Variants in MEIS1 observed in about 807,000 individuals in gnomAD.
The protein encoded by MEIS1 is homeobox protein Meis1.
Under a neutral mutation model 50.8 loss-of-function variants are expected in MEIS1, and 5 were observed. The observed-to-expected ratio is 0.10, with a 90% CI of 0.05 to 0.21. The LOEUF is 0.21. MEIS1 is among the 10% of genes least tolerant of loss of function. MEIS1 has a pLI of 1.00. For synonymous variants in MEIS1, 176 were observed against 179.3 expected, an observed-to-expected ratio of 0.98 and a Z score of 0.15; for missense variants, 318 against 517.3, an observed-to-expected ratio of 0.61 and a Z score of 3.74.
rs183029046 is a variant in MEIS1, at chr2:66,544,115, G to A, written c.889-3828G>A. Among the ~76,000 whole-genome samples, 95 of 152,226 alleles carry A rather than the reference G, an allele frequency of 6.2e-4. 3 individuals carry two copies. The East Asian group carries it at 0.017, about 27-fold the overall frequency. On this transcript the variant is annotated intron_variant, in intron 8 of 12. Transcript: ENST00000272369. ...TTTCTCCCTAAAAACAGCACTTCTC[G>A]GAGATTACTCTTTATCTCTTTTGCA...
At chr2:66,542,666 A>G (rs1674683972) in intron 8 of MEIS1, among the ~76,000 whole-genome samples, 1 of 152,180 alleles carries the variant, frequency 6.6e-6, no homozygotes, top group Admixed American at 6.5e-5. Flanking sequence ...GAGGCTTGAG[A>G]AGGGGCAGTG....
chr2:66,552,546 G>A (rs1236362161), intron 9 of MEIS1, among the ~76,000 whole-genome samples: 2 of 152,108 alleles, frequency 1.3e-5, no homozygotes, highest in African/African-American at 4.8e-5. Flanking sequence ...TAGATTTAGT[G>A]CTCATACCAG....
At position 66,483,369 on chromosome 2, in the gene MEIS1, C is replaced by T. The variant is rs370907524; in HGVS notation, c.742+19149C>T. On this transcript the variant is annotated intron_variant, in intron 7 of 12. Coordinates refer to ENST00000272369, the MANE Select transcript of MEIS1 (RefSeq NM_002398.3). Reference sequence around the variant, plus strand: ...GATTACAGGCGTGAGCCACCGCGCCCGGCTGGACTGGTGTCCATTTCTAAA... The same window carrying T: ...GATTACAGGCGTGAGCCACCGCGCCTGGCTGGACTGGTGTCCATTTCTAAA... Among the ~76,000 whole-genome samples the T allele has an allele frequency of 4.5e-3, 684 of 152,050 alleles. 4 individuals carry two copies. Among genetic ancestry groups the T allele is most frequent in the South Asian group, 0.013 (63 of 4,794 alleles).
At chr2:66,456,321 C>T (rs997562221) in intron 6 of MEIS1, among the ~76,000 whole-genome samples, 117 of 151,822 alleles carry the variant, frequency 7.7e-4, no homozygotes, top group African/African-American at 2.8e-3. Context: ...AAATCTGCCT[C>T]ATTTGATGCT....
chr2:66,510,724 T>G (rs1673807733), intron 7 of MEIS1, among the ~76,000 whole-genome samples: 1 of 152,160 alleles, frequency 6.6e-6, no homozygotes, highest in African/African-American at 2.4e-5. Flanking sequence ...TTTCTTTTCT[T>G]TTTTTCACAG....
chr2:66,458,329 G>A (rs1207124973), intron 6 of MEIS1, among the ~76,000 whole-genome samples: 2 of 152,118 alleles, frequency 1.3e-5, no homozygotes, highest in African/African-American at 2.4e-5. Flanking sequence ...TAAAAATCAT[G>A]TTATTCCAAG....
intron 7 of MEIS1, among the ~76,000 whole-genome samples, chr2:66,482,465 T>C (rs1048477253): frequency 1.3e-5 from 2 of 152,226 alleles, no homozygotes; most frequent in African/African-American, 4.8e-5. Flanking sequence ...AGAAGTAACC[T>C]AGTAACTGAT....
chr2:66,553,379 A>T (rs573620194), intron 9 of MEIS1, among the ~76,000 whole-genome samples: 9 of 152,232 alleles, frequency 5.9e-5, no homozygotes, highest in Non-Finnish European at 1.2e-4. Flanking sequence ...GTTAATTGCT[A>T]TGCTTTTCAC....
At position 66,464,236 on chromosome 2, in the gene MEIS1, T is replaced by C. The variant is rs376270388; in HGVS notation, c.742+16T>C. The C allele has an allele frequency of 8.4e-6, 13 of 1,538,718 alleles. No homozygotes were observed. Among genetic ancestry groups the C allele is most frequent in the Admixed American group, 1.9e-5 (1 of 53,072 alleles). On this transcript the variant is annotated intron_variant, in intron 7 of 12. Transcript: ENST00000272369. ...AGTGAGCAAGGTAGGAGAGATGTTATTCTCTTTTGCTACTTGTTTCATTTT... is the reference window on the plus strand; with the variant it reads ...AGTGAGCAAGGTAGGAGAGATGTTACTCTCTTTTGCTACTTGTTTCATTTT...
chr2:66,441,337 C>T, intron 4 of MEIS1, 77 bp from the exon 5 acceptor site: 1 of 1,300,096 alleles, frequency 7.7e-7, no homozygotes, highest in South Asian at 1.5e-5. Context: ...AGGGGGTGGG[C>T]TGGAGATGGT....
At chr2:66,561,371 C>T (rs1050906153) in intron 9 of MEIS1, among the ~76,000 whole-genome samples, 34 of 152,100 alleles carry the variant, frequency 2.2e-4, no homozygotes, top group African/African-American at 7.5e-4. Flanking sequence ...AACTACCTTC[C>T]AATGATAAAT....
intron 5 of MEIS1, among the ~76,000 whole-genome samples, chr2:66,442,547 A>G (rs1034808314): frequency 6.6e-6 from 1 of 152,210 alleles, no homozygotes; most frequent in African/African-American, 2.4e-5. Flanking sequence ...CACATTAGAA[A>G]GGGATTTATG....
intron 6 of MEIS1, among the ~76,000 whole-genome samples, chr2:66,457,109 T>C (rs1032386781): frequency 6.6e-6 from 1 of 150,842 alleles, no homozygotes; most frequent in South Asian, 2.1e-4. Context: ...AAACAAAACA[T>C]ACTGCCTAAA....
At chr2:66,550,729 C>T (rs1476962371) in intron 9 of MEIS1, among the ~76,000 whole-genome samples, 2 of 152,036 alleles carry the variant, frequency 1.3e-5, no homozygotes, top group African/African-American at 4.8e-5. Context: ...AACTCCAGGG[C>T]TCAAGAGATC....
rs1404054563 is a variant in MEIS1 at position 66,464,197 on chromosome 2, G to C, written c.719G>C (p.Ser240Thr). ...TCCAGCGGTGGCCACACGTCACACA[G>C]TGGGGACAACAGCAGTGAGCAAGGT... ...GPSSGGHTSH[S>T]GDNSSEQGDG... The change falls in exon 7 of 13, where the codon AGT (serine) becomes ACT (threonine). Residue 240 changes from serine to threonine, a missense_variant. Ser to Thr is a moderately conservative substitution (Grantham distance 58, BLOSUM62 1). Coordinates refer to ENST00000272369, the MANE Select transcript of MEIS1 (RefSeq NM_002398.3). The C allele has an allele frequency of 6.2e-7, 1 of 1,602,038 alleles. No individual in the cohort carries two copies. Among genetic ancestry groups the C allele is most frequent in the South Asian group, 1.1e-5 (1 of 88,346 alleles).
intron 4 of MEIS1, 120 bp from the exon 5 acceptor site, chr2:66,441,294 C>A: frequency 3.8e-6 from 3 of 785,890 alleles, no homozygotes; most frequent in Admixed American, 3.6e-5. Flanking sequence ...AGTGTTATTG[C>A]CATAAATCAA....
chr2:66,528,966 G>A (rs1674324567), intron 8 of MEIS1, among the ~76,000 whole-genome samples: 3 of 152,132 alleles, frequency 2.0e-5, no homozygotes, highest in Non-Finnish European at 2.9e-5. Flanking sequence ...CTCCCCATCA[G>A]TGCTGCACAG....
chr2:66,571,724 T>C lies in MEIS1; in HGVS notation c.*516T>C. ...CATGCTAAATAACTATATAAGACAT[T>C]AAGAGAACAAAGAGTGAAATATTGT... On this transcript the variant is annotated 3_prime_UTR_variant, in exon 13 of 13. Coordinates refer to ENST00000272369, the MANE Select transcript of MEIS1 (RefSeq NM_002398.3). 1.7e-6 allele frequency: 1 copy of C among 594,982 alleles called. No individual in the cohort carries two copies. Among genetic ancestry groups the C allele is most frequent in the Non-Finnish European group, 2.9e-6 (1 of 342,900 alleles). 36.9% of individuals were successfully genotyped at this position (594,982 alleles called of 1,614,324 possible). A position where few individuals can be genotyped will look rare whatever the true frequency, so the allele number is the denominator to read the frequency against.
chr2:66,435,792 CT>C lies in MEIS1; in HGVS notation c.-61del. On this transcript the variant is annotated 5_prime_UTR_variant, in exon 1 of 13. Coordinates refer to ENST00000272369, the MANE Select transcript of MEIS1 (RefSeq NM_002398.3). Reference sequence around the variant, plus strand: ...TCCGGGGGAGTTTGAATATTTGTTTCTTTTCACACTGGCCTTAAAGAGGATA... The same window carrying C: ...TCCGGGGGAGTTTGAATATTTGTTTCTTTCACACTGGCCTTAAAGAGGATA... 3.7e-6 allele frequency: 1 copy of C among 271,838 alleles called. No individual in the cohort carries two copies. The highest frequency in any genetic ancestry group is 1.1e-3 in the Middle Eastern group (1 of 912). The allele number at this position is 271,838 out of a possible 1,614,324, so 16.8% of individuals were successfully genotyped here.
Sources: allele counts gnomAD v4.1 joint callset (sites outside exome capture counted in the v4.1 genomes callset), GRCh38; gene constraint gnomAD v4.1.1; transcripts MANE v1.5; gene names NCBI Gene and HGNC (gene_info 2026-07-23, HGNC 2026-07-21).